LHB: variants seen among roughly 807,000 people sequenced by gnomAD.
LHB encodes luteinizing hormone subunit beta.
LHB carries 11 observed loss-of-function variants against 10.6 expected under a neutral mutation model. The observed-to-expected ratio is 1.04, with a 90% confidence interval of 0.66 to 1.72. LHB has a LOEUF of 1.72. LHB is among the 40% of genes most tolerant of loss of function. LHB has a pLI of 0.00. For synonymous variants in LHB, 86 were observed against 83.1 expected (o/e 1.03, Z -0.19); for missense variants, 184 against 197.3 (o/e 0.93, Z 0.41).
In LHB at chr19:49,016,094, G is replaced by C; in HGVS notation, c.400C>G (p.Gln134Glu). The C allele has an allele frequency of 6.2e-7, 1 of 1,613,178 alleles. No individual in the cohort carries two copies. Residue 134 changes from glutamine to glutamate, a missense_variant, in exon 3 of 3, where the codon CAA becomes GAA. By Grantham distance (29) the Gln-to-Glu change is conservative. Coordinates refer to ENST00000649238, the MANE Select transcript of LHB (RefSeq NM_000894.3). Reference protein sequence around the residue: ...KDHPLTCDHPQLSGLLFL With the variant: ...KDHPLTCDHPELSGLLFL ...TAGAGGAAGAGGAGGCCTGAGAGTT[G>C]GGGGTGGTCACAGGTCAAGGGGTGG...
rs1363764908 is a variant in LHB at position 49,016,062 on chromosome 19, G to A, written c.*6C>T. 3.7e-6 allele frequency: 6 copies of A among 1,613,712 alleles called. No individual in the cohort carries two copies. The highest frequency in any genetic ancestry group is 5.1e-6 in the Non-Finnish European group (6 of 1,180,034). ...GGATGGACTTGGAAGGCTGCGGGGA[G>A]GGTCTTTAGAGGAAGAGGAGGCCTG... is the stretch of plus-strand genomic sequence containing the variant. On this transcript the variant is annotated 3_prime_UTR_variant, in exon 3 of 3. Coordinates refer to ENST00000649238, the MANE Select transcript of LHB (RefSeq NM_000894.3).
chr19:49,017,019 G>A (rs774156993), intron 1 of LHB, 48 bp downstream of exon 1: 1 of 1,613,188 alleles, frequency 6.2e-7, no homozygotes, highest in Non-Finnish European at 8.5e-7. Context: ...TCATGCCAGT[G>A]ATGGCCTGGA....
upstream of LHB, chr19:49,017,847 A>G (rs905301314): frequency 2.5e-6 from 1 of 398,528 alleles, no homozygotes; most frequent in South Asian, 1.4e-4. Context: ...CACGTTGCCA[A>G]TAGACGTAAT....
upstream of LHB, chr19:49,018,286 T>A: frequency 8.7e-7 from 1 of 1,149,092 alleles, no homozygotes; most frequent in Non-Finnish European, 1.1e-6. Context: ...GGGGCGTCTC[T>A]TCGAAGCTCC....
chr19:49,018,887 A>G (rs2122684596), upstream of LHB: 4 of 1,534,306 alleles, frequency 2.6e-6, no homozygotes, highest in Non-Finnish European at 3.5e-6. Context: ...GATAGAACCG[A>G]AAGTCCCGCG....
chr19:49,018,246 G>A, upstream of LHB: 1 of 860,668 alleles, frequency 1.2e-6, no homozygotes, highest in African/African-American at 1.8e-5. Flanking sequence ...CGCGGACAGG[G>A]CGGCCGCTGC....
Position 49,017,061 on chromosome 19 carries a change from T to C in LHB, c.15+6A>G. 6.2e-7 allele frequency: 1 copy of C among 1,613,832 alleles called. No individual in the cohort carries two copies. Among genetic ancestry groups the C allele is most frequent in the Non-Finnish European group, 8.5e-7 (1 of 1,179,856 alleles). ...TGGAAGGTGCCCAGGGGCCCTGTAG[T>C]CTTACCTGGAGCATCTCCATCCTTG... On this transcript the variant is annotated splice_donor_region_variant and intron_variant, in intron 1 of 2. Coordinates refer to ENST00000649238, the MANE Select transcript of LHB (RefSeq NM_000894.3).
upstream of LHB, chr19:49,017,459 C>T: frequency 8.8e-7 from 1 of 1,138,232 alleles, no homozygotes; most frequent in Non-Finnish European, 1.1e-6. Flanking sequence ...GAAGCCTCAA[C>T]CCTCCACTTG....
upstream of LHB, chr19:49,017,973 C>T: frequency 2.5e-6 from 1 of 398,564 alleles, no homozygotes. Flanking sequence ...ACGGCTCACA[C>T]CAGCGCCGGC....
At chr19:49,018,228 G>A (rs537608763), upstream of LHB, 11,232 of 685,140 alleles carry the variant, frequency 0.016, 98 homozygotes, top group Non-Finnish European at 0.019. Context: ...CGGGGCGGCC[G>A]GGAGGAGCGC....
upstream of LHB, chr19:49,019,321 G>T: frequency 4.3e-6 from 5 of 1,176,222 alleles, no homozygotes; most frequent in Non-Finnish European, 5.4e-6. Flanking sequence ...TCTTGGTGTG[G>T]CCACTGGAGC....
chr19:49,017,791 C>T (rs2039583284), upstream of LHB: 1 of 401,788 alleles, frequency 2.5e-6, no homozygotes, highest in Non-Finnish European at 4.4e-6. Context: ...TTAGTCCCCT[C>T]TCCGTGATGC....
intron 2 of LHB, 102 bp from the exon 3 acceptor site, chr19:49,016,412 A>C: frequency 4.4e-6 from 7 of 1,599,078 alleles, no homozygotes; most frequent in Non-Finnish European, 5.9e-6. Context: ...GAGCCCAGGA[A>C]GCCCTCTGTT....
At chr19:49,018,104 C>T (rs1283213229), upstream of LHB, 3 of 399,180 alleles carry the variant, frequency 7.5e-6, no homozygotes, top group Admixed American at 4.4e-5. Flanking sequence ...GCGGTCGAGC[C>T]GCCGGAGCGG....
At chr19:49,016,481 C>A (rs369060275) in intron 2 of LHB, 66 bp downstream of exon 2, 6 of 1,603,716 alleles carry the variant, frequency 3.7e-6, no homozygotes, top group Non-Finnish European at 3.4e-6. Context: ...CACCCTTCCT[C>A]CCCCGCTGCC....
chr19:49,017,506 G>A (rs1018901944), upstream of LHB: 3 of 1,133,416 alleles, frequency 2.6e-6, no homozygotes, highest in African/African-American at 3.2e-5. Context: ...TAACAGGAGG[G>A]GCGCTGCTTC....
chr19:49,016,978 C>T, intron 1 of LHB, 89 bp downstream of exon 1: 1 of 1,611,750 alleles, frequency 6.2e-7, no homozygotes, highest in Non-Finnish European at 8.5e-7. Context: ...AAAGAGGCCT[C>T]CTTCCACAGC....
rs774701920 is a variant in LHB, at chr19:49,016,772, TCC to T, written c.16-60_16-59del. 6.9e-6 allele frequency: 11 copies of T among 1,604,308 alleles called. No homozygotes were observed. In the Admixed American group the frequency reaches 1.3e-4, roughly 19 times the overall value. ...AGACCGCAGCCCCGAGTCCTGGCCTTCCCATCCCGCGTGGTACACCACCCACA... is the reference window on the plus strand; with the variant it reads ...AGACCGCAGCCCCGAGTCCTGGCCTTCATCCCGCGTGGTACACCACCCACA... On this transcript the variant is annotated intron_variant, in intron 1 of 2. Transcript: ENST00000649238.
chr19:49,016,456 G>A (rs1263294710), intron 2 of LHB, 91 bp downstream of exon 2: 16 of 1,602,330 alleles, frequency 1.0e-5, no homozygotes, highest in African/African-American at 2.7e-5. Context: ...CCAACCGCAG[G>A]CCAGAGAGGC....
Sources: gnomAD v4.1 joint callset for allele counts on GRCh38, gnomAD v4.1.1 for gene constraint, MANE v1.5 for transcripts, NCBI Gene and HGNC (gene_info 2026-07-23, HGNC 2026-07-21) for gene names.